SFXN5: variants seen among roughly 807,000 people sequenced by gnomAD.
SFXN5 encodes the protein sideroflexin 5, also known as sideroflexin-5.
SFXN5 carries 43 observed loss-of-function variants against 50.2 expected under a neutral mutation model. The ratio of observed to expected loss-of-function variants is 0.86; its 90% CI spans 0.67 to 1.11. SFXN5 has a LOEUF of 1.11. Ranked by LOEUF, SFXN5 falls within the 50% of genes least tolerant of loss-of-function variation. The pLI is 0.00. For missense variants in SFXN5, 463 were observed against 454.1 expected (o/e 1.02, Z -0.18); for synonymous variants, 203 against 185.8 (o/e 1.09, Z -0.75).
At chr2:73,050,421 C>CACACACACACACACACACACA (rs1240561312) in intron 2 of SFXN5, among the ~76,000 whole-genome samples, 2 of 148,382 alleles carry the variant, frequency 1.3e-5, no homozygotes, top group Admixed American at 6.7e-5. Context: ...CACACACACA[C>CACACACACACACACACACACA]CCCTGCAGAG....
chr2:72,958,690 A>G (rs1483666826), intron 13 of SFXN5, among the ~76,000 whole-genome samples: 1 of 80,982 alleles, frequency 1.2e-5, no homozygotes, highest in Non-Finnish European at 2.3e-5. Flanking sequence ...GTCAGAGACC[A>G]CTGAGAAATA....
In SFXN5 at chr2:73,071,599, C is replaced by G. The variant is rs1453050050; in HGVS notation, c.102+5G>C. The G allele has an allele frequency of 1.9e-6, 3 of 1,613,360 alleles. No homozygotes were observed. The highest frequency in any genetic ancestry group is 1.7e-4 in the Middle Eastern group (1 of 6,054). On this transcript the variant is annotated splice_donor_5th_base_variant and intron_variant, in intron 1 of 13. Coordinates refer to ENST00000272433, the MANE Select transcript of SFXN5 (RefSeq NM_144579.3). ...CCGGCCCGCAGACCACAGCCCGGTC[C>G]TCACCTGCTGGAAGCGGGGTTTGCC...
intron 6 of SFXN5, among the ~76,000 whole-genome samples, chr2:73,002,804 ATTTT>A (rs990217253): frequency 1.3e-5 from 2 of 150,754 alleles, no homozygotes; most frequent in Admixed American, 1.3e-4. Flanking sequence ...TCCCAACTTG[ATTTT>A]TTTTTTCTTT....
At chr2:72,993,605 C>T (rs1207189432) in intron 9 of SFXN5, among the ~76,000 whole-genome samples, 2 of 152,210 alleles carry the variant, frequency 1.3e-5, no homozygotes, top group Non-Finnish European at 2.9e-5. Flanking sequence ...CTGTGTCTGA[C>T]TCACACTGCC....
chr2:72,961,085 A>G lies in SFXN5; in HGVS notation c.945+46T>C, dbSNP rs775476380. 1.5e-6 allele frequency: 2 copies of G among 1,326,374 alleles called. No individual in the cohort carries two copies. The highest frequency in any genetic ancestry group is 1.5e-5 in the South Asian group (1 of 68,742). 82.2% of individuals were successfully genotyped at this position (1,326,374 alleles called of 1,614,324 possible). ...TGAGTATTTGTTCAGAAATCACCAA[A>G]CAGCACCCCCTGCCCTGCCCTGCCC... On this transcript the variant is annotated intron_variant, in intron 13 of 13. Transcript: ENST00000272433. This position sits in a 1 kb window ranked among gnomAD's most constrained non-coding sequence, Gnocchi z 4.4.
chr2:73,014,456 A>C (rs1453024925), intron 6 of SFXN5, among the ~76,000 whole-genome samples: 2 of 152,170 alleles, frequency 1.3e-5, no homozygotes, highest in African/African-American at 4.8e-5. Context: ...AAGTTGTCTT[A>C]TAATATTTGG....
intron 13 of SFXN5, among the ~76,000 whole-genome samples, chr2:72,947,201 C>T (rs1018169111): frequency 2.0e-5 from 3 of 152,234 alleles, no homozygotes; most frequent in Non-Finnish European, 2.9e-5. Context: ...ATCTGTCTCG[C>T]CCCTGTGTCC....
intron 2 of SFXN5, among the ~76,000 whole-genome samples, chr2:73,055,590 T>C (rs1681983764): frequency 6.6e-6 from 1 of 150,786 alleles, no homozygotes; most frequent in Non-Finnish European, 1.5e-5. Context: ...TTTCTTTTTT[T>C]TCTTTTTCTT....
At chr2:73,060,434 G>T (rs1682664806) in intron 1 of SFXN5, among the ~76,000 whole-genome samples, 1 of 152,026 alleles carries the variant, frequency 6.6e-6, no homozygotes, top group African/African-American at 2.4e-5. Flanking sequence ...AAATTAATTG[G>T]TTTTGTTCAT....
chr2:73,052,595 C>G (rs1434581458), intron 2 of SFXN5, among the ~76,000 whole-genome samples: 1 of 151,946 alleles, frequency 6.6e-6, no homozygotes, highest in Non-Finnish European at 1.5e-5. Flanking sequence ...GTTATTAATA[C>G]TATTTCAGTT....
chr2:72,976,988 T>C (rs1670693625), intron 10 of SFXN5, among the ~76,000 whole-genome samples: 1 of 152,172 alleles, frequency 6.6e-6, no homozygotes, highest in African/African-American at 2.4e-5. Context: ...CTAATAGTAA[T>C]AATCCTCCCA....
chr2:73,013,311 G>A (rs185763431), intron 6 of SFXN5, among the ~76,000 whole-genome samples: 6 of 151,808 alleles, frequency 4.0e-5, no homozygotes, highest in Admixed American at 3.9e-4. Flanking sequence ...AAAGGTACAG[G>A]CAATGATATA....
intron 6 of SFXN5, 139 bp from the exon 7 acceptor site, chr2:73,001,717 G>A (rs1673940354): frequency 6.4e-6 from 5 of 780,072 alleles, no homozygotes; most frequent in Non-Finnish European, 1.1e-5. Context: ...ACAAACTGAG[G>A]TTCATTGAGG....
chr2:73,059,112 C>T, intron 1 of SFXN5: 1 of 980,246 alleles, frequency 1.0e-6, no homozygotes, highest in South Asian at 4.6e-5. Context: ...GGCCCTCCTT[C>T]ACCCACAGCC....
chr2:72,956,412 CT>C (rs1673090986), intron 13 of SFXN5, among the ~76,000 whole-genome samples: 1 of 152,104 alleles, frequency 6.6e-6, no homozygotes, highest in Non-Finnish European at 1.5e-5. Context: ...CGCAGATTTC[CT>C]GTGGAGGGGA....
At chr2:73,010,911 T>C (rs1675423394) in intron 6 of SFXN5, among the ~76,000 whole-genome samples, 1 of 152,042 alleles carries the variant, frequency 6.6e-6, no homozygotes, top group Admixed American at 6.6e-5. Flanking sequence ...TTCACAGCAC[T>C]AAACACTTTC....
chr2:73,023,124 G>A, intron 4 of SFXN5, 64 bp downstream of exon 4: 1 of 1,535,400 alleles, frequency 6.5e-7, no homozygotes, highest in East Asian at 2.4e-5. Flanking sequence ...AGATCCCTGG[G>A]ACAGGGCAGG....
chr2:72,949,753 G>A (rs1672326945), intron 13 of SFXN5, among the ~76,000 whole-genome samples: 1 of 152,148 alleles, frequency 6.6e-6, no homozygotes, highest in Admixed American at 6.5e-5. Flanking sequence ...CTGCCAGTGG[G>A]GGAAGACAGG....
chr2:72,963,984 C>T lies in SFXN5; in HGVS notation c.828-2736G>A, dbSNP rs74738447. Among the ~76,000 whole-genome samples, 606 of 152,290 alleles carry T rather than the reference C, an allele frequency of 4.0e-3. 19 individuals carry two copies. The East Asian group carries it at 0.063, about 16-fold the overall frequency. On this transcript the variant is annotated intron_variant, in intron 12 of 13. Transcript: ENST00000272433. The stretch of plus-strand genomic sequence containing the variant: ...CCCAGTGCGCTGGACTGGGGATGGA[C>T]GCTCCTCTGCTTCTGACTTGAGATT...
Sources: allele counts gnomAD v4.1 joint callset (sites outside exome capture counted in the v4.1 genomes callset), GRCh38; gene constraint gnomAD v4.1.1; non-coding constraint Gnocchi (gnomAD v3.1); transcripts MANE v1.5; gene names NCBI Gene and HGNC (gene_info 2026-07-23, HGNC 2026-07-21).